NBEAL1: variants seen among roughly 807,000 people sequenced by gnomAD.
NBEAL1 encodes the protein neurobeachin like 1.
In NBEAL1, 273 loss-of-function variants were observed where a neutral mutation model predicts 351.3. That is an observed-to-expected ratio of 0.78 (90% CI 0.70 to 0.86). The LOEUF is 0.86. Among genes scored for constraint, NBEAL1 ranks in the 40% least tolerant of loss-of-function variants. The pLI is 0.00. For synonymous variants in NBEAL1, 1,050 were observed against 1,086.4 expected (o/e 0.97, Z 0.66); for missense variants, 2,961 against 3,201.3 (o/e 0.92, Z 1.81).
rs888827125 is a variant in NBEAL1 at position 203,222,089 on chromosome 2, G to A, written c.*4735G>A. Among the ~76,000 whole-genome samples, 30 of 152,344 alleles carry A rather than the reference G, an allele frequency of 2.0e-4. No homozygotes were observed. Among genetic ancestry groups the A allele is most frequent in the Admixed American group, 5.2e-4 (8 of 15,290 alleles). On this transcript the variant is annotated 3_prime_UTR_variant, in exon 56 of 56. Coordinates refer to ENST00000683969, the MANE Select transcript of NBEAL1 (RefSeq NM_001378026.1). ...TGTAGTCCTAGCTGCTCGGGAGGCT[G>A]AGGCAAGGGGTTTGCTTGAGCCTAG...
At chr2:203,134,182 G>T (rs987968440) in intron 27 of NBEAL1, among the ~76,000 whole-genome samples, 2 of 152,120 alleles carry the variant, frequency 1.3e-5, no homozygotes, top group Admixed American at 6.5e-5. Context: ...TATGTACTTA[G>T]CTCTGAGTAT....
chr2:203,068,828 C>T (rs570329787), intron 7 of NBEAL1, among the ~76,000 whole-genome samples: 21 of 152,310 alleles, frequency 1.4e-4, no homozygotes, highest in Non-Finnish European at 2.6e-4. Flanking sequence ...CTCCTGGGTT[C>T]AAGCAATTGT....
At chr2:203,165,768 C>T (rs1559029529) in intron 36 of NBEAL1, among the ~76,000 whole-genome samples, 1 of 152,162 alleles carries the variant, frequency 6.6e-6, no homozygotes, top group African/African-American at 2.4e-5. Context: ...TGAGGCCAGG[C>T]ACAGTGGCTC....
chr2:203,175,034 T>C (rs887523907), intron 41 of NBEAL1, 113 bp from the exon 42 acceptor site: 76 of 913,566 alleles, frequency 8.3e-5, no homozygotes, highest in Non-Finnish European at 1.2e-4. Flanking sequence ...ATGAGGCATA[T>C]GAAGAAGGAT....
intron 3 of NBEAL1, among the ~76,000 whole-genome samples, chr2:203,048,122 T>G (rs1040156850): frequency 6.6e-6 from 1 of 152,060 alleles, no homozygotes; most frequent in African/African-American, 2.4e-5. Flanking sequence ...TGCTTTGAGC[T>G]GGGCACGGTG....
chr2:203,202,802 T>C (rs942565902), intron 51 of NBEAL1, 21 bp downstream of exon 51: 2 of 1,355,068 alleles, frequency 1.5e-6, no homozygotes, highest in Admixed American at 3.4e-5. Flanking sequence ...ATTTAAATGT[T>C]CTTGAATTAG....
intron 47 of NBEAL1, 33 bp downstream of exon 47, chr2:203,193,944 T>A: frequency 8.2e-7 from 1 of 1,213,596 alleles, no homozygotes. Flanking sequence ...CAAAAAGAGT[T>A]TTCTCTAAAT....
chr2:203,116,771 C>T, intron 18 of NBEAL1, among the ~76,000 whole-genome samples: 1 of 130,446 alleles, frequency 7.7e-6, no homozygotes, highest in East Asian at 2.3e-4. Context: ...GCCTAGGCAA[C>T]AGAGCAAGAC....
At position 203,083,317 on chromosome 2, in the gene NBEAL1, G is replaced by A. The variant is rs967389780; in HGVS notation, c.783G>A (p.Val261=). The A allele has an allele frequency of 4.4e-5, 68 of 1,553,372 alleles. 1 individual carries two copies. In the Admixed American group the frequency reaches 1.3e-3, roughly 30 times the overall value. The change falls in exon 9 of 56, where the codon GTG becomes GTA. Residue 261 remains valine, a synonymous_variant. Transcript: ENST00000683969. The part of the protein sequence containing the change: ...DSWEDGDPEE[V]GRKAELTLKC... Reference sequence around the variant, plus strand: ...GGGAGGATGGAGATCCTGAAGAAGTGGGTAGGAAGGCAGAACTAACTCTGA... The same window carrying A: ...GGGAGGATGGAGATCCTGAAGAAGTAGGTAGGAAGGCAGAACTAACTCTGA...
intron 54 of NBEAL1, among the ~76,000 whole-genome samples, 185 bp downstream of exon 54, chr2:203,211,291 A>G (rs1384174610): frequency 1.3e-5 from 2 of 152,064 alleles, no homozygotes; most frequent in African/African-American, 2.4e-5. Flanking sequence ...GGAAATATAT[A>G]TATACATTTT....
chr2:203,149,054 C>T lies in NBEAL1; in HGVS notation c.5368C>T (p.Leu1790Phe). The stretch of plus-strand genomic sequence containing the variant: ...AGAGAACCTGAGGTATAATAATATG[C>T]TTAAACAACTTAGCAGTCAACAGTT... ...RQENLRYNNM[L>F]KQLSSQQLAT... The change falls in exon 34 of 56, where the codon CTT (leucine) becomes TTT (phenylalanine). Residue 1790 changes from leucine (L) to phenylalanine (F), a missense_variant. Leu to Phe is a conservative substitution (Grantham distance 22). Transcript: ENST00000683969. The T allele has an allele frequency of 6.2e-7, 1 of 1,613,020 alleles. No individual in the cohort carries two copies. The highest frequency in any genetic ancestry group is 8.5e-7 in the Non-Finnish European group (1 of 1,179,334).
intron 8 of NBEAL1, among the ~76,000 whole-genome samples, chr2:203,082,754 GCAA>G (rs1404786832): frequency 6.6e-6 from 1 of 152,128 alleles, no homozygotes; most frequent in Non-Finnish European, 1.5e-5. Context: ...AGCTGGTACA[GCAA>G]CTCAATAAGA....
chr2:203,033,620 C>G (rs926865386), intron 2 of NBEAL1, among the ~76,000 whole-genome samples: 2 of 152,182 alleles, frequency 1.3e-5, no homozygotes, highest in African/African-American at 4.8e-5. Context: ...AATACCAGAT[C>G]TAGGAAATGA....
intron 4 of NBEAL1, among the ~76,000 whole-genome samples, chr2:203,051,379 C>CA (rs1200016881): frequency 1.3e-5 from 2 of 151,584 alleles, no homozygotes; most frequent in African/African-American, 2.4e-5. Context: ...CCTGTCTCTC[C>CA]AAAAAAATGT....
rs184530363 is a variant in NBEAL1 at position 203,217,494 on chromosome 2, T to C, written c.*140T>C. ...TACAGATAACCACAATTTGCTGTGG[T>C]ATATAAACTAATTCTTGGTCTATAC... On this transcript the variant is annotated 3_prime_UTR_variant, in exon 56 of 56. Coordinates refer to ENST00000683969, the MANE Select transcript of NBEAL1 (RefSeq NM_001378026.1). 4 of 1,294,806 alleles carry C rather than the reference T, an allele frequency of 3.1e-6. No homozygotes were observed. The highest frequency in any genetic ancestry group is 3.9e-6 in the Non-Finnish European group (4 of 1,019,368). 80.2% of individuals were successfully genotyped at this position (1,294,806 alleles called of 1,614,324 possible). A position where few individuals can be genotyped will look rare whatever the true frequency, so the allele number is the denominator to read the frequency against.
intron 18 of NBEAL1, among the ~76,000 whole-genome samples, chr2:203,120,711 A>G (rs768400421): frequency 1.3e-5 from 2 of 152,194 alleles, no homozygotes; most frequent in African/African-American, 2.4e-5. Flanking sequence ...TCGGATTCGC[A>G]TTTTAGAAAT....
rs756785157 is a variant in NBEAL1 at position 203,166,187 on chromosome 2, T to C, written c.5753T>C (p.Val1918Ala). The C allele has an allele frequency of 6.3e-7, 1 of 1,591,844 alleles. No individual in the cohort carries two copies. Among genetic ancestry groups the C allele is most frequent in the East Asian group, 2.3e-5 (1 of 43,376 alleles). Residue 1918 changes from valine to alanine, a missense_variant, in exon 37 of 56, where the codon GTA becomes GCA. By Grantham distance (64) the Val-to-Ala change is moderately conservative. Transcript: ENST00000683969. ...GAACAGGATCAAAAAGAAAAATTGG[T>C]ATTGATGGAAGACTGTGAACTCATT... Reference protein sequence around the residue: ...KEEQDQKEKLVLMEDCELITI... With the variant: ...KEEQDQKEKLALMEDCELITI...
chr2:203,199,070 G>A (rs893768635), intron 48 of NBEAL1, among the ~76,000 whole-genome samples: 12 of 151,994 alleles, frequency 7.9e-5, no homozygotes, highest in Non-Finnish European at 1.5e-4. Context: ...GGTGGCGCAT[G>A]CCTGAAGGTT....
At chr2:203,200,320 G>A (rs2065359928) in intron 49 of NBEAL1, among the ~76,000 whole-genome samples, 1 of 152,134 alleles carries the variant, frequency 6.6e-6, no homozygotes, top group Non-Finnish European at 1.5e-5. Flanking sequence ...AGACCATCTT[G>A]GCTAACACAG....
Sources: allele counts gnomAD v4.1 joint callset (sites outside exome capture counted in the v4.1 genomes callset), GRCh38; gene constraint gnomAD v4.1.1; transcripts MANE v1.5; gene names NCBI Gene and HGNC (gene_info 2026-07-23, HGNC 2026-07-21).